The following ST14 variants were observed in gnomAD, a reference collection of about 807,000 sequenced individuals.
ST14 encodes the protein ST14 transmembrane serine protease matriptase.
A neutral mutation model predicts 96.5 loss-of-function variants in ST14; 40 were observed. That is an observed-to-expected ratio of 0.41 (90% CI 0.32 to 0.54). ST14 has a LOEUF of 0.54. ST14 is among the 20% of genes least tolerant of loss of function. The pLI, the probability that ST14 is intolerant of heterozygous loss-of-function variation, is 0.17. For synonymous variants in ST14, 506 were observed against 492.1 expected (o/e 1.03, Z -0.37); for missense variants, 1,066 against 1,188.9 (o/e 0.90, Z 1.52).
chr11:130,190,339 T>A, intron 6 of ST14, 115 bp from the exon 7 acceptor site: 1 of 1,551,238 alleles, frequency 6.4e-7, no homozygotes, highest in Non-Finnish European at 8.7e-7. Context: ...CAGGGCAGCC[T>A]GGGGCGTCTC....
intron 1 of ST14, among the ~76,000 whole-genome samples, chr11:130,164,192 G>C (rs1953024082): frequency 6.6e-6 from 1 of 152,168 alleles, no homozygotes; most frequent in Non-Finnish European, 1.5e-5. Context: ...TGTTGCTTCT[G>C]ATATTGTGCA....
Position 130,188,709 on chromosome 11 carries a change from C to A in ST14, c.369+52C>A, listed in dbSNP as rs747524107. On this transcript the variant is annotated intron_variant, in intron 3 of 18. Coordinates refer to ENST00000278742, the MANE Select transcript of ST14 (RefSeq NM_021978.4). This position sits in a 1 kb window ranked among gnomAD's most constrained non-coding sequence, Gnocchi z 5.4. ...CTGGGCTGTGTGCGCTGGTGTCCCA[C>A]CTGCTGGGCAGGAGGGACATGCCTC... 12 of 1,613,828 alleles carry A rather than the reference C, an allele frequency of 7.4e-6. No homozygotes were observed. Among genetic ancestry groups the A allele is most frequent in the Non-Finnish European group, 1.0e-5 (12 of 1,179,950 alleles).
chr11:130,176,676 C>T (rs1953141162), intron 1 of ST14, among the ~76,000 whole-genome samples: 1 of 152,172 alleles, frequency 6.6e-6, no homozygotes, highest in African/African-American at 2.4e-5. Context: ...GCTTGAGCCA[C>T]CGCACCCGAC....
intron 1 of ST14, among the ~76,000 whole-genome samples, chr11:130,173,810 C>T (rs866235433): frequency 6.6e-6 from 1 of 152,076 alleles, no homozygotes; most frequent in Non-Finnish European, 1.5e-5. Context: ...TTCTCTGTAA[C>T]CCCTCTGTCC....
chr11:130,190,701 A>G lies in ST14; in HGVS notation c.875+7A>G. 6.4e-7 allele frequency: 1 copy of G among 1,571,296 alleles called. No homozygotes were observed. On this transcript the variant is annotated splice_region_variant and intron_variant, in intron 7 of 18. Coordinates refer to ENST00000278742, the MANE Select transcript of ST14 (RefSeq NM_021978.4). Reference sequence around the variant, plus strand: ...AGCCCCACGCCCTGGTGCAGTGAGTACCCCGGGGGGCGGGTAGGGCTGTGG... The same window carrying G: ...AGCCCCACGCCCTGGTGCAGTGAGTGCCCCGGGGGGCGGGTAGGGCTGTGG...
intron 1 of ST14, among the ~76,000 whole-genome samples, chr11:130,176,515 A>T (rs963422262): frequency 1.3e-5 from 2 of 151,450 alleles, no homozygotes; most frequent in Non-Finnish European, 2.9e-5. Flanking sequence ...CAGCCTCCCG[A>T]GTAGCTGGGA....
intron 7 of ST14, 134 bp from the exon 8 acceptor site, chr11:130,194,015 A>T: frequency 8.7e-7 from 1 of 1,144,318 alleles, no homozygotes; most frequent in Non-Finnish European, 1.3e-6. Context: ...TTTTGACTCC[A>T]TTCTTGGCCT....
chr11:130,164,855 A>C (rs966803438), intron 1 of ST14, among the ~76,000 whole-genome samples: 5 of 151,914 alleles, frequency 3.3e-5, no homozygotes, highest in African/African-American at 1.2e-4. Context: ...CTCCTGCCTC[A>C]GCCTCCCGAG....
In ST14 at chr11:130,198,988, A is replaced by G. The variant is rs768894314; in HGVS notation, c.1726A>G (p.Asn576Asp). Residue 576 changes from asparagine (N) to aspartate (D), a missense_variant, in exon 15 of 19, where the codon AAT becomes GAT. Coordinates refer to ENST00000278742, the MANE Select transcript of ST14 (RefSeq NM_021978.4). ...TCTKHTYRCL[N>D]GLCLSKGNPE... is the part of the protein sequence containing the mutation. ...TACCAAACACACCTACCGCTGCCTC[A>G]ATGGGCTCTGCTTGAGCAAGGGCAA... 2 of 1,614,100 alleles carry G rather than the reference A, an allele frequency of 1.2e-6. No individual in the cohort carries two copies. Among genetic ancestry groups the G allele is most frequent in the Admixed American group, 3.3e-5 (2 of 60,028 alleles).
At chr11:130,185,556 T>A (rs1346804219) in intron 1 of ST14, among the ~76,000 whole-genome samples, 1 of 152,118 alleles carries the variant, frequency 6.6e-6, no homozygotes, top group Non-Finnish European at 1.5e-5. Context: ...CTCAGGAGGC[T>A]GATGTGGGAG....
intron 1 of ST14, among the ~76,000 whole-genome samples, chr11:130,178,169 C>G (rs1953159296): frequency 6.6e-6 from 1 of 152,154 alleles, no homozygotes; most frequent in Non-Finnish European, 1.5e-5. Context: ...CATTTAACAT[C>G]AAGAGAAAGG....
At position 130,190,536 on chromosome 11, in the gene ST14, C is replaced by A. The variant is rs758207075; in HGVS notation, c.717C>A (p.Pro239=). Residue 239 remains proline, a synonymous_variant, in exon 7 of 19, where the codon CCC becomes CCA. Transcript: ENST00000278742. The stretch of plus-strand genomic sequence containing the variant: ...CCGGCTTCCCTGACAGCCCCTACCC[C>A]GCTCATGCCCGCTGCCAGTGGGCCC... The part of the protein sequence containing the change: ...TTPGFPDSPY[P]AHARCQWALR... The A allele has an allele frequency of 9.3e-6, 15 of 1,611,250 alleles. No individual in the cohort carries two copies. Among genetic ancestry groups the A allele is most frequent in the Admixed American group, 5.0e-5 (3 of 59,988 alleles).
intron 11 of ST14, among the ~76,000 whole-genome samples, chr11:130,197,509 C>T (rs968573749): frequency 6.6e-6 from 1 of 152,370 alleles, no homozygotes; most frequent in Middle Eastern, 3.4e-3. Context: ...CACCAGGCAG[C>T]CCAGCACACA....
At chr11:130,177,487 T>C (rs1384898647) in intron 1 of ST14, among the ~76,000 whole-genome samples, 3 of 152,048 alleles carry the variant, frequency 2.0e-5, no homozygotes, top group African/African-American at 7.3e-5. Flanking sequence ...CGCTTGAACC[T>C]GGGAGGTGGA....
rs1953249089 is a variant in ST14 at position 130,187,526 on chromosome 11, T to C, written c.82-588T>C. ...GTTAAACACAGAGCAGTTTTTTCCA[T>C]GACAGCACCACCTTTTTACTTTTGG... On this transcript the variant is annotated intron_variant, in intron 1 of 18. Transcript: ENST00000278742. The surrounding 1 kb of genome is among the most constrained non-coding windows in gnomAD (Gnocchi z 4.5). Among the ~76,000 whole-genome samples the C allele has an allele frequency of 6.6e-6, 1 of 152,202 alleles. No homozygotes were observed. The highest frequency in any genetic ancestry group is 6.5e-5 in the Admixed American group (1 of 15,282).
At chr11:130,162,704 AG>A (rs1455421465) in intron 1 of ST14, among the ~76,000 whole-genome samples, 1 of 152,240 alleles carries the variant, frequency 6.6e-6, no homozygotes, top group Non-Finnish European at 1.5e-5. Flanking sequence ...CTAGACTCAC[AG>A]CCCCTGTCCT....
chr11:130,202,946 C>T (rs925635411), intron 16 of ST14, among the ~76,000 whole-genome samples: 1 of 152,192 alleles, frequency 6.6e-6, no homozygotes, highest in Non-Finnish European at 1.5e-5. Flanking sequence ...ACTCCAGCCC[C>T]TGGGGTCACC....
In ST14 at chr11:130,209,766, C is replaced by A. The variant is rs1253941914; in HGVS notation, c.2511C>A (p.Gly837=). The change falls in exon 19 of 19, where the codon GGC becomes GGA. Residue 837 remains glycine (G), a synonymous_variant. Transcript: ENST00000278742. ...GDGCAQRNKP[G]VYTRLPLFRD... ...GCTGCGCTCAGAGGAACAAGCCAGG[C>A]GTGTACACAAGGCTCCCTCTGTTTC... 1.2e-5 allele frequency: 19 copies of A among 1,613,862 alleles called. No homozygotes were observed. Among genetic ancestry groups the A allele is most frequent in the Non-Finnish European group, 1.5e-5 (18 of 1,180,034 alleles).
At chr11:130,186,199 T>C (rs564632697) in intron 1 of ST14, among the ~76,000 whole-genome samples, 17 of 152,358 alleles carry the variant, frequency 1.1e-4, no homozygotes, top group African/African-American at 4.1e-4. Context: ...AGAATTAAGG[T>C]ATTTTCAGAA....
Sources: gnomAD v4.1 joint callset for allele counts (sites outside exome capture counted in the v4.1 genomes callset) on GRCh38, gnomAD v4.1.1 for gene constraint, Gnocchi (gnomAD v3.1) non-coding constraint, MANE v1.5 for transcripts, NCBI Gene and HGNC (gene_info 2026-07-23, HGNC 2026-07-21) for gene names.